The following MCC variants were observed in gnomAD, a reference collection of about 807,000 sequenced individuals.
The protein encoded by MCC is colorectal mutant cancer protein.
MCC carries 90 observed loss-of-function variants against 116.2 expected under a neutral mutation model. That is an observed-to-expected ratio of 0.77 (90% CI 0.65 to 0.92). MCC has a LOEUF of 0.92. MCC is among the 40% of genes least tolerant of loss of function. The pLI, the probability that MCC is intolerant of heterozygous loss-of-function variation, is 0.00. For missense variants in MCC, 1,516 were observed against 1,312.2 expected, an observed-to-expected ratio of 1.16 and a Z score of -2.40; for synonymous variants, 578 against 510.5, an observed-to-expected ratio of 1.13 and a Z score of -1.78.
intron 1 of MCC, among the ~76,000 whole-genome samples, chr5:113,397,356 T>C (rs1434289095): frequency 6.6e-6 from 1 of 152,118 alleles, no homozygotes; most frequent in Non-Finnish European, 1.5e-5. Context: ...GCATTTCTAA[T>C]AAAACATTCT....
intron 3 of MCC, among the ~76,000 whole-genome samples, chr5:113,167,859 G>A (rs766973532): frequency 6.6e-6 from 1 of 152,070 alleles, no homozygotes; most frequent in East Asian, 1.9e-4. Flanking sequence ...TGAACTCCTA[G>A]GCTTAAGCAA....
Position 113,071,264 on chromosome 5 carries a change from T to C in MCC, c.1785-30A>G, listed in dbSNP as rs750669560. 1.9e-6 allele frequency: 3 copies of C among 1,606,892 alleles called. No homozygotes were observed. The African/African-American group carries it at 4.0e-5, about 22-fold the overall frequency. On this transcript the variant is annotated intron_variant, in intron 11 of 18. Coordinates refer to ENST00000408903, the MANE Select transcript of MCC (RefSeq NM_001085377.2). ...AAAGGAACAAAAATCAGATTCACAC[T>C]AGGGTTACAGTTAATTTGCCAATAT... is the stretch of plus-strand genomic sequence containing the variant.
At chr5:113,206,614 C>G (rs1429206477) in intron 3 of MCC, among the ~76,000 whole-genome samples, 1 of 152,126 alleles carries the variant, frequency 6.6e-6, no homozygotes, top group Non-Finnish European at 1.5e-5. Context: ...GATGCTGAGG[C>G]ACAAGAATCC....
rs773045297 is a variant in MCC at position 113,433,935 on chromosome 5, G to T, written c.171-48723C>A. ...GGTGGCAGACTTCTTGTCAGAGCCA[G>T]GTTCGGGGGTCCACAAGGGTTCAGT... On this transcript the variant is annotated intron_variant, in intron 1 of 18. Transcript: ENST00000408903. 12 of 1,613,940 alleles carry T rather than the reference G, an allele frequency of 7.4e-6. No individual in the cohort carries two copies. The South Asian group carries it at 1.3e-4, about 18-fold the overall frequency.
intron 1 of MCC, among the ~76,000 whole-genome samples, chr5:113,390,102 A>G (rs149723726): frequency 1.6e-3 from 250 of 152,192 alleles, no homozygotes; most frequent in African/African-American, 5.7e-3. Context: ...TTCTGCCTTG[A>G]AAAAAAATAA....
chr5:113,488,278 G>A lies in MCC; in HGVS notation c.137C>T (p.Thr46Met), dbSNP rs759864764. 27 of 1,595,172 alleles carry A rather than the reference G, an allele frequency of 1.7e-5. No homozygotes were observed. The highest frequency in any genetic ancestry group is 1.4e-4 in the South Asian group (13 of 90,362). ...GTATCCGTCCCCGTCGCCGTCGCAC[G>A]TCTGGAAGAGGCGCCGCATCCTCTC... ...EEERMRRLFQ[T>M]CDGDGDGYIS... The change falls in exon 1 of 19, where the codon ACG becomes ATG. Residue 46 changes from threonine (T) to methionine (M), a missense_variant. Thr to Met is a moderately conservative substitution (Grantham distance 81). Transcript: ENST00000408903.
At chr5:113,110,062 G>A (rs1005783022) in intron 6 of MCC, among the ~76,000 whole-genome samples, 7 of 151,722 alleles carry the variant, frequency 4.6e-5, no homozygotes, top group Non-Finnish European at 1.5e-5. Context: ...CAATCAATCC[G>A]CCCACCTCAG....
intron 3 of MCC, among the ~76,000 whole-genome samples, chr5:113,280,663 G>T (rs991579305): frequency 6.6e-6 from 1 of 152,190 alleles, no homozygotes; most frequent in Non-Finnish European, 1.5e-5. Context: ...GTCATCACAG[G>T]AAGAAGGGGC....
intron 3 of MCC, among the ~76,000 whole-genome samples, chr5:113,306,007 A>G (rs1253073875): frequency 6.6e-6 from 1 of 152,194 alleles, no homozygotes; most frequent in East Asian, 1.9e-4. Context: ...GAGTAAGACA[A>G]TATGTGGCTC....
At chr5:113,038,485 G>A (rs1490191820) in intron 17 of MCC, among the ~76,000 whole-genome samples, 2 of 152,070 alleles carry the variant, frequency 1.3e-5, no homozygotes, top group Non-Finnish European at 2.9e-5. Context: ...AATTCATGGC[G>A]CTAGGAACCA....
At chr5:113,295,268 A>G (rs185276693) in intron 3 of MCC, among the ~76,000 whole-genome samples, 11 of 152,286 alleles carry the variant, frequency 7.2e-5, no homozygotes, top group Admixed American at 2.0e-4. Context: ...AACACTGTAC[A>G]TCAGACAGCA....
At chr5:113,080,141 A>C (rs899514678) in intron 11 of MCC, among the ~76,000 whole-genome samples, 1 of 152,230 alleles carries the variant, frequency 6.6e-6, no homozygotes, top group African/African-American at 2.4e-5. Flanking sequence ...ATCATTAAAA[A>C]GTCAGGAAAC....
rs540428973 is a variant in MCC, at chr5:113,026,989, C to T, written c.*313G>A. On this transcript the variant is annotated 3_prime_UTR_variant, in exon 19 of 19. Coordinates refer to ENST00000408903, the MANE Select transcript of MCC (RefSeq NM_001085377.2). ...GTCTGGGATCCCACTGATGCACAGC[C>T]GCCAGACCAGAAGAGGAGGGGGAGA... 8.0e-4 allele frequency: 248 copies of T among 311,284 alleles called. 1 individual carries two copies. The highest frequency in any genetic ancestry group is 1.7e-3 in the Middle Eastern group (2 of 1,158). 19.3% of individuals were successfully genotyped at this position (311,284 alleles called of 1,614,324 possible).
intron 1 of MCC, among the ~76,000 whole-genome samples, chr5:113,480,413 T>A (rs1295682886): frequency 6.6e-6 from 1 of 152,246 alleles, no homozygotes. Context: ...AGTTTAACAT[T>A]GTGAAATCTG....
At chr5:113,348,065 A>G (rs1315063506) in intron 2 of MCC, among the ~76,000 whole-genome samples, 1 of 152,064 alleles carries the variant, frequency 6.6e-6, no homozygotes, top group Non-Finnish European at 1.5e-5. Flanking sequence ...ACCCAGATAT[A>G]TAAATATTAT....
chr5:113,070,952 T>A, intron 12 of MCC, 142 bp downstream of exon 12: 1 of 736,540 alleles, frequency 1.4e-6, no homozygotes, highest in East Asian at 2.6e-5. Context: ...TCTTAGCTAT[T>A]TGCTGTCCAA....
intron 8 of MCC, among the ~76,000 whole-genome samples, chr5:113,087,680 T>C (rs1755298127): frequency 6.6e-6 from 1 of 152,098 alleles, no homozygotes; most frequent in South Asian, 2.1e-4. Flanking sequence ...TAATTAACAA[T>C]GTTAACACCA....
intron 3 of MCC, among the ~76,000 whole-genome samples, chr5:113,162,865 T>A (rs1161863754): frequency 8.5e-5 from 13 of 152,116 alleles, no homozygotes; most frequent in Non-Finnish European, 8.8e-5. Context: ...AGTGTCAAAA[T>A]AAAATCAGGC....
At chr5:113,300,824 C>T (rs1339017953) in intron 3 of MCC, among the ~76,000 whole-genome samples, 2 of 152,178 alleles carry the variant, frequency 1.3e-5, no homozygotes, top group East Asian at 3.9e-4. Flanking sequence ...GCCTCAATGG[C>T]CTGCCCCATA....
Sources: gnomAD v4.1 joint callset for allele counts (sites outside exome capture counted in the v4.1 genomes callset) on GRCh38, gnomAD v4.1.1 for gene constraint, MANE v1.5 for transcripts, NCBI Gene and HGNC (gene_info 2026-07-23, HGNC 2026-07-21) for gene names.